PLCB1: variants seen among roughly 807,000 people sequenced by gnomAD.
PLCB1 encodes phospholipase C beta 1, also known as 1-phosphatidylinositol 4,5-bisphosphate phosphodiesterase beta-1.
A neutral mutation model predicts 161.8 loss-of-function variants in PLCB1; 46 were observed. The ratio of observed to expected loss-of-function variants is 0.28; its 90% CI spans 0.22 to 0.36. The LOEUF (loss-of-function observed/expected upper bound fraction) is 0.36. Among genes scored for constraint, PLCB1 ranks in the 10% least tolerant of loss-of-function variants. The pLI, the probability that PLCB1 is intolerant of heterozygous loss-of-function variation, is 1.00. For missense variants in PLCB1, 1,016 were observed against 1,472.5 expected (o/e 0.69, Z 5.07); for synonymous variants, 517 against 503.7 (o/e 1.03, Z -0.35).
At position 8,611,279 on chromosome 20, in the gene PLCB1, G is replaced by A. The variant is rs1185475120; in HGVS notation, c.247-17015G>A. Among the ~76,000 whole-genome samples the A allele has an allele frequency of 3.3e-5, 5 of 152,008 alleles. No individual in the cohort carries two copies. In the South Asian group the frequency reaches 1.0e-3, roughly 31 times the overall value. On this transcript the variant is annotated intron_variant, in intron 3 of 31. Coordinates refer to ENST00000338037, the MANE Select transcript of PLCB1 (RefSeq NM_015192.4). ...CAAGAAACTAAAATGGTGCCATTGG[G>A]CACCATCTTCTTTAATTCTTAGTTT...
At position 8,802,063 on chromosome 20, in the gene PLCB1, G is replaced by T. The variant is rs541871782; in HGVS notation, c.3423+11802G>T. ...CCCTTTTTTTCCACACAGGGGGAAG[G>T]TTCCTCCTCATTCTTGTCGGAAACT... On this transcript the variant is annotated intron_variant, in intron 31 of 31. Transcript: ENST00000338037. 4.4e-5 allele frequency: 71 copies of T among 1,595,986 alleles called. No homozygotes were observed. The highest frequency in any genetic ancestry group is 4.0e-4 in the South Asian group (36 of 90,684).
chr20:8,361,789 A>C (rs1461694944), intron 2 of PLCB1, among the ~76,000 whole-genome samples: 2 of 152,210 alleles, frequency 1.3e-5, no homozygotes, highest in Non-Finnish European at 2.9e-5. Context: ...AAATCTGGCT[A>C]CATTTATATC....
intron 25 of PLCB1, among the ~76,000 whole-genome samples, chr20:8,761,206 A>G (rs1389852770): frequency 2.0e-5 from 3 of 152,210 alleles, no homozygotes; most frequent in African/African-American, 7.2e-5. Context: ...TCAGACACAA[A>G]AGAACATATT....
intron 31 of PLCB1, among the ~76,000 whole-genome samples, chr20:8,864,783 G>C (rs184870950): frequency 6.6e-6 from 1 of 152,292 alleles, no homozygotes; most frequent in East Asian, 1.9e-4. Context: ...GGTAAGATTA[G>C]CTGTAGTTTT....
intron 23 of PLCB1, among the ~76,000 whole-genome samples, chr20:8,750,604 G>T (rs112520893): frequency 5.1e-4 from 78 of 152,220 alleles, no homozygotes; most frequent in African/African-American, 1.8e-3. Flanking sequence ...ACTCCTAAAC[G>T]TTTGGGAGTG....
intron 1 of PLCB1, among the ~76,000 whole-genome samples, chr20:8,140,382 T>C (rs2051390449): frequency 6.6e-6 from 1 of 152,224 alleles, no homozygotes; most frequent in African/African-American, 2.4e-5. Flanking sequence ...TTCTAGGATT[T>C]CACAGCTTTC....
chr20:8,575,194 A>G (rs1986638246), intron 3 of PLCB1, among the ~76,000 whole-genome samples: 1 of 152,244 alleles, frequency 6.6e-6, no homozygotes, highest in Non-Finnish European at 1.5e-5. Context: ...GAGTTTGATG[A>G]ACATGAGTAA....
chr20:8,381,219 G>A (rs1413401173), intron 3 of PLCB1, among the ~76,000 whole-genome samples: 1 of 152,140 alleles, frequency 6.6e-6, no homozygotes, highest in Non-Finnish European at 1.5e-5. Flanking sequence ...TTTTATCTTG[G>A]TTCTGTTTAT....
intron 11 of PLCB1, among the ~76,000 whole-genome samples, chr20:8,706,168 T>C (rs936792755): frequency 1.3e-5 from 2 of 152,206 alleles, no homozygotes; most frequent in Non-Finnish European, 1.5e-5. Context: ...ATCTATGATA[T>C]CACTGGACTC....
chr20:8,471,808 T>C (rs898435101), intron 3 of PLCB1, among the ~76,000 whole-genome samples: 4 of 152,148 alleles, frequency 2.6e-5, no homozygotes, highest in Non-Finnish European at 2.9e-5. Context: ...GGTAAGTTTC[T>C]CTCTTTTCAA....
intron 3 of PLCB1, among the ~76,000 whole-genome samples, chr20:8,498,082 T>C (rs1336672504): frequency 6.6e-6 from 1 of 152,156 alleles, no homozygotes; most frequent in Non-Finnish European, 1.5e-5. Flanking sequence ...AGAATCAAAA[T>C]ATGCCTTTAT....
intron 11 of PLCB1, among the ~76,000 whole-genome samples, chr20:8,705,221 G>T (rs1413038736): frequency 6.6e-6 from 1 of 152,070 alleles, no homozygotes; most frequent in Admixed American, 6.5e-5. Context: ...AGTTGCCATA[G>T]AAATAGAAAC....
intron 3 of PLCB1, 24 bp downstream of exon 3, chr20:8,371,474 G>A (rs374730353): frequency 6.6e-7 from 1 of 1,509,594 alleles, no homozygotes; most frequent in Non-Finnish European, 9.2e-7. Flanking sequence ...TGTTGTGCAT[G>A]CACCAGATGC....
intron 31 of PLCB1, among the ~76,000 whole-genome samples, chr20:8,851,161 G>A (rs1986872244): frequency 6.6e-6 from 1 of 152,168 alleles, no homozygotes; most frequent in South Asian, 2.1e-4. Context: ...GCAATTAGCT[G>A]GATCTGAGGA....
At chr20:8,264,185 G>C (rs781215914) in intron 2 of PLCB1, among the ~76,000 whole-genome samples, 7 of 151,980 alleles carry the variant, frequency 4.6e-5, no homozygotes, top group Non-Finnish European at 1.0e-4. Context: ...AAACTAAGAT[G>C]CAAACACACA....
intron 2 of PLCB1, among the ~76,000 whole-genome samples, chr20:8,318,496 C>T (rs1041264925): frequency 4.7e-5 from 7 of 149,534 alleles, no homozygotes; most frequent in African/African-American, 1.7e-4. Flanking sequence ...CTCTGTTGTA[C>T]AAATAAAACA....
chr20:8,454,899 G>A (rs1352109521), intron 3 of PLCB1, among the ~76,000 whole-genome samples: 1 of 151,142 alleles, frequency 6.6e-6, no homozygotes, highest in Non-Finnish European at 1.5e-5. Context: ...TATCTGTTTT[G>A]TTCACTGCTT....
intron 2 of PLCB1, among the ~76,000 whole-genome samples, chr20:8,210,929 A>G (rs1406516915): frequency 6.6e-6 from 1 of 152,062 alleles, no homozygotes; most frequent in Non-Finnish European, 1.5e-5. Flanking sequence ...GTGTCTTCCA[A>G]CTCATTCCCA....
At chr20:8,822,133 G>A (rs6039288) in intron 31 of PLCB1, among the ~76,000 whole-genome samples, 149,506 of 152,204 alleles carry the variant, frequency 0.98, 73,453 homozygotes, top group East Asian at 1. Context: ...CAGGGGCCGC[G>A]TCTCTGTTAT....
Sources: gnomAD v4.1 joint callset for allele counts (sites outside exome capture counted in the v4.1 genomes callset) on GRCh38, gnomAD v4.1.1 for gene constraint, MANE v1.5 for transcripts, NCBI Gene and HGNC (gene_info 2026-07-23, HGNC 2026-07-21) for gene names.